The following NF1 variants were observed in gnomAD, a reference collection of about 807,000 sequenced individuals.
The protein encoded by NF1 is neurofibromin 1.
A neutral mutation model predicts 325.7 loss-of-function variants in NF1; 122 were observed. That is an observed-to-expected ratio of 0.37 (90% CI 0.32 to 0.44). The LOEUF (loss-of-function observed/expected upper bound fraction) is 0.44. NF1 is among the 20% of genes least tolerant of loss of function. The pLI, the probability that NF1 is intolerant of heterozygous loss-of-function variation, is 1.00. For synonymous variants in NF1, 1,091 were observed against 1,186.0 expected, an observed-to-expected ratio of 0.92 and a Z score of 1.65; for missense variants, 2,140 against 3,415.4, an observed-to-expected ratio of 0.63 and a Z score of 9.31.
intron 36 of NF1, chr17:31,305,109 G>A: frequency 6.2e-7 from 1 of 1,614,170 alleles, no homozygotes; most frequent in Non-Finnish European, 8.5e-7. Flanking sequence ...TTGGTTGTGT[G>A]GATGGATTAT....
intron 57 of NF1, among the ~76,000 whole-genome samples, chr17:31,365,516 C>T (rs565774949): frequency 5.9e-5 from 9 of 152,190 alleles, no homozygotes; most frequent in Non-Finnish European, 7.4e-5. Context: ...TATTTCCTTC[C>T]GATCCATGTT....
intron 36 of NF1, chr17:31,320,607 T>A: frequency 2.0e-6 from 1 of 504,242 alleles, no homozygotes; most frequent in Non-Finnish European, 3.5e-6. Flanking sequence ...CTGGAGACTA[T>A]ATTTCATATT....
intron 36 of NF1, among the ~76,000 whole-genome samples, chr17:31,320,100 C>T (rs73275679): frequency 0.12 from 18,308 of 152,016 alleles, 3,023 homozygotes; most frequent in African/African-American, 0.37. Flanking sequence ...TAGAATTTAA[C>T]AGTTCCATGT....
chr17:31,153,905 C>T (rs911914919), intron 1 of NF1, among the ~76,000 whole-genome samples: 4 of 151,946 alleles, frequency 2.6e-5, no homozygotes, highest in Non-Finnish European at 4.4e-5. Context: ...TGAGCCATTG[C>T]GCATGTCCCC....
intron 38 of NF1, among the ~76,000 whole-genome samples, chr17:31,329,612 C>G (rs576097815): frequency 1.3e-5 from 2 of 152,196 alleles, no homozygotes; most frequent in African/African-American, 4.8e-5. Flanking sequence ...AATATATTTT[C>G]AGACATTTGT....
rs1227237238 is a variant in NF1, at chr17:31,201,158, A to G, written c.1184A>G (p.Lys395Arg). 1 of 1,613,990 alleles carries G rather than the reference A, an allele frequency of 6.2e-7. No individual in the cohort carries two copies. Among genetic ancestry groups the G allele is most frequent in the African/African-American group, 1.3e-5 (1 of 74,940 alleles). ...AGCCCTCACAACAACCAACACTTTAAGGTGAGAGCATTGGTTTTTATCTAA... is the reference window on the plus strand; with the variant it reads ...AGCCCTCACAACAACCAACACTTTAGGGTGAGAGCATTGGTTTTTATCTAA... ...RISPHNNQHF[K>R]ICLAQNSPST... The change falls in exon 10 of 58, where the codon AAG becomes AGG. Residue 395 changes from lysine to arginine, a missense_variant and splice_region_variant. By Grantham distance (26) the Lys-to-Arg change is conservative. This residue lies in a region of NF1 where 179 missense variants were observed against 381.0 expected (regional missense o/e 0.47). Coordinates refer to ENST00000358273, the MANE Select transcript of NF1 (RefSeq NM_001042492.3).
At chr17:31,268,672 G>A (rs1416940995) in intron 36 of NF1, among the ~76,000 whole-genome samples, 9 of 151,108 alleles carry the variant, frequency 6.0e-5, no homozygotes, top group African/African-American at 9.7e-5. Context: ...TCTTCATCAG[G>A]GGCTGTTCTT....
chr17:31,354,333 G>A (rs1002230022), intron 51 of NF1, among the ~76,000 whole-genome samples: 4 of 152,170 alleles, frequency 2.6e-5, no homozygotes, highest in African/African-American at 9.7e-5. Context: ...AGCAGGATAA[G>A]TAGGGGCATA....
At position 31,377,567 on chromosome 17, in the gene NF1, T is replaced by C. The variant is rs145491030; in HGVS notation, c.*3412T>C. On this transcript the variant is annotated 3_prime_UTR_variant, in exon 58 of 58. Coordinates refer to ENST00000358273, the MANE Select transcript of NF1 (RefSeq NM_001042492.3). ...AATCGATCATTGTAGGGGAAAATCA[T>C]AGAAATCCATTTCAGATCTTTATTG... The C allele has an allele frequency of 8.0e-4, 187 of 233,130 alleles. No homozygotes were observed. The highest frequency in any genetic ancestry group is 3.8e-3 in the African/African-American group (172 of 45,418). The allele number at this position is 233,130 out of a possible 1,614,324, so 14.4% of individuals were successfully genotyped here. A position where few individuals can be genotyped will look rare whatever the true frequency, so the allele number is the denominator to read the frequency against.
chr17:31,160,608 T>C (rs2065746218), intron 3 of NF1, among the ~76,000 whole-genome samples: 1 of 152,234 alleles, frequency 6.6e-6, no homozygotes, highest in African/African-American at 2.4e-5. Context: ...GGGCAAATTT[T>C]AAACTTTTCT....
intron 56 of NF1, chr17:31,359,406 A>G (rs890902457): frequency 9.5e-6 from 2 of 210,602 alleles, no homozygotes; most frequent in African/African-American, 4.7e-5. Context: ...AGCCTATTAG[A>G]TTAGATTAAT....
At position 31,358,522 on chromosome 17, in the gene NF1, G is replaced by A. The variant is rs769548773; in HGVS notation, c.8013G>A (p.Leu2671=). 1.9e-6 allele frequency: 3 copies of A among 1,613,432 alleles called. No homozygotes were observed. The highest frequency in any genetic ancestry group is 8.5e-7 in the Non-Finnish European group (1 of 1,179,844). ...CTAAGATCAACACCCTGTTATCATTGTGCCAAGATCCAAATTTGTTAAATC... is the reference window on the plus strand; with the variant it reads ...CTAAGATCAACACCCTGTTATCATTATGCCAAGATCCAAATTTGTTAAATC... The part of the protein sequence containing the change: ...LDSKINTLLS[L]CQDPNLLNPI... Residue 2671 remains leucine (L), a synonymous_variant, in exon 55 of 58, where the codon TTG becomes TTA. Coordinates refer to ENST00000358273, the MANE Select transcript of NF1 (RefSeq NM_001042492.3).
chr17:31,300,621 T>TA (rs780862116), intron 36 of NF1, among the ~76,000 whole-genome samples: 1 of 152,114 alleles, frequency 6.6e-6, no homozygotes, highest in Non-Finnish European at 1.5e-5. Flanking sequence ...CCCTTGTACC[T>TA]AAATAATTTT....
chr17:31,288,263 G>A (rs2068277807), intron 36 of NF1, among the ~76,000 whole-genome samples: 1 of 151,922 alleles, frequency 6.6e-6, no homozygotes, highest in Admixed American at 6.6e-5. Flanking sequence ...CAAAGTTGGG[G>A]CTGTTGAACC....
In NF1 at chr17:31,219,103, T is replaced by C. The variant is rs2143987218; in HGVS notation, c.1626T>C (p.Ala542=). 6.2e-7 allele frequency: 1 copy of C among 1,613,582 alleles called. No homozygotes were observed. Among genetic ancestry groups the C allele is most frequent in the Non-Finnish European group, 8.5e-7 (1 of 1,179,764 alleles). The change falls in exon 14 of 58, where the codon GCT becomes GCC. Residue 542 remains alanine, a synonymous_variant. Coordinates refer to ENST00000358273, the MANE Select transcript of NF1 (RefSeq NM_001042492.3). ...LVPQSHMPEI[A]QEAMEALLVL... ...CTCAGTCACACATGCCAGAGATTGCTCAGGAAGCAATGGAGGTAAGGGGAA... is the reference window on the plus strand; with the variant it reads ...CTCAGTCACACATGCCAGAGATTGCCCAGGAAGCAATGGAGGTAAGGGGAA...
At chr17:31,314,011 A>G in intron 36 of NF1, 2 of 398,180 alleles carry the variant, frequency 5.0e-6, no homozygotes, top group Non-Finnish European at 8.9e-6. Context: ...AGAATGCTAA[A>G]TTCTTGTTCT....
At chr17:31,178,846 A>G (rs964024198) in intron 5 of NF1, among the ~76,000 whole-genome samples, 1 of 152,212 alleles carries the variant, frequency 6.6e-6, no homozygotes, top group Non-Finnish European at 1.5e-5. Flanking sequence ...CCAATACAGG[A>G]ACACCCAGAT....
intron 57 of NF1, among the ~76,000 whole-genome samples, chr17:31,370,054 C>G (rs976078456): frequency 1.5e-4 from 22 of 151,694 alleles, no homozygotes; most frequent in Admixed American, 2.0e-4. Flanking sequence ...TCCTTTGATC[C>G]TTACAGTAAA....
rs145771387 is a variant in NF1 at position 31,266,501 on chromosome 17, A to C, written c.4835+1162A>C. ...CATGAAAGGCCTCTCTCCAGCTCTCATCTCAGTTGCCATTTCTAAATTGCC... is the reference window on the plus strand; with the variant it reads ...CATGAAAGGCCTCTCTCCAGCTCTCCTCTCAGTTGCCATTTCTAAATTGCC... On this transcript the variant is annotated intron_variant, in intron 36 of 57. Transcript: ENST00000358273. Among the ~76,000 whole-genome samples, 70 of 152,260 alleles carry C rather than the reference A, an allele frequency of 4.6e-4. 3 individuals are homozygous for C. In the East Asian group the frequency reaches 0.014, roughly 29 times the overall value.
Sources: gnomAD v4.1 joint callset for allele counts (sites outside exome capture counted in the v4.1 genomes callset) on GRCh38, gnomAD v4.1.1 for gene constraint, gnomAD v4.1.1 regional missense constraint, MANE v1.5 for transcripts, NCBI Gene and HGNC (gene_info 2026-07-23, HGNC 2026-07-21) for gene names.